NEUROD1: variants seen among roughly 807,000 people sequenced by gnomAD.
The protein encoded by NEUROD1 is neurogenic differentiation factor 1.
In NEUROD1, 9 loss-of-function variants were observed where a neutral mutation model predicts 21.8. The observed-to-expected ratio is 0.41, with a 90% CI of 0.25 to 0.72. The LOEUF is 0.72. NEUROD1 is among the 30% of genes least tolerant of loss of function. The pLI is 0.31. For synonymous variants in NEUROD1, 199 were observed against 186.2 expected, an observed-to-expected ratio of 1.07 and a Z score of -0.56; for missense variants, 434 against 468.8, an observed-to-expected ratio of 0.93 and a Z score of 0.69.
Position 181,677,547 on chromosome 2 carries a change from A to C in NEUROD1, c.*243T>G. On this transcript the variant is annotated 3_prime_UTR_variant, in exon 2 of 2. Transcript: ENST00000295108. The stretch of plus-strand genomic sequence containing the variant: ...ACCAAATTCGTGGTGTATTTTTTAA[A>C]CTTTACTGTATTTTTTTATTTTTTA... 1 of 562,404 alleles carries C rather than the reference A, an allele frequency of 1.8e-6. No individual in the cohort carries two copies. The highest frequency in any genetic ancestry group is 2.2e-5 in the South Asian group (1 of 46,144). The allele number at this position is 562,404 out of a possible 1,614,324, so 34.8% of individuals were successfully genotyped here.
chr2:181,679,526 CT>C (rs145711513), intron 1 of NEUROD1, among the ~76,000 whole-genome samples: 1,890 of 152,342 alleles, frequency 0.012, 45 homozygotes, highest in African/African-American at 0.043. Context: ...CCTCGCCTTT[CT>C]TTTCTTGCCT....
At chr2:181,679,786 C>T (rs375015101) in intron 1 of NEUROD1, among the ~76,000 whole-genome samples, 201 of 152,348 alleles carry the variant, frequency 1.3e-3, no homozygotes, top group African/African-American at 4.7e-3. Context: ...GAAGTTGCCG[C>T]TTCTAGTAAG....
At chr2:181,671,313 A>G (rs1414038573) in exon 2 of NEUROD1, among the ~76,000 whole-genome samples, 2 of 152,200 alleles carry the variant, frequency 1.3e-5, no homozygotes, top group South Asian at 2.1e-4. Flanking sequence ...TGTGATAAAT[A>G]TCACTACTTA....
downstream of NEUROD1, among the ~76,000 whole-genome samples, chr2:181,671,940 G>T (rs562385061): frequency 4.6e-5 from 7 of 152,054 alleles, no homozygotes; most frequent in Admixed American, 1.3e-4. Flanking sequence ...CATTGAGCGC[G>T]AACACTAAAA....
In NEUROD1 at chr2:181,678,667, T is replaced by A; in HGVS notation, c.194A>T (p.Asp65Val). ...TTCCTCTTCTTCCTCCTCTTCCAGG[T>A]CCTCATCTTCGTCCTCCTCCTCTCC... The part of the protein sequence containing the change: ...NGGEEEDEDE[D>V]LEEEEEEEEE... Residue 65 changes from aspartate (D) to valine (V), a missense_variant, in exon 2 of 2, where the codon GAC (aspartate) becomes GTC (valine). Physicochemically the swap from Asp to Val is radical, Grantham distance 152. Transcript: ENST00000295108. The surrounding 1 kb of genome is among the most constrained non-coding windows in gnomAD (Gnocchi z 5.5). The A allele has an allele frequency of 6.2e-7, 1 of 1,612,526 alleles. No homozygotes were observed. The highest frequency in any genetic ancestry group is 8.5e-7 in the Non-Finnish European group (1 of 1,179,202).
At chr2:181,676,051 T>C (rs1688563413), downstream of NEUROD1, among the ~76,000 whole-genome samples, 1 of 152,188 alleles carries the variant, frequency 6.6e-6, no homozygotes, top group Admixed American at 6.5e-5. Context: ...TTATACATCT[T>C]AAATGTATAG....
At position 181,677,618 on chromosome 2, in the gene NEUROD1, T is replaced by C; in HGVS notation, c.*172A>G. 1 of 1,168,142 alleles carries C rather than the reference T, an allele frequency of 8.6e-7. No homozygotes were observed. Among genetic ancestry groups the C allele is most frequent in the South Asian group, 1.4e-5 (1 of 69,068 alleles). 72.4% of individuals were successfully genotyped at this position (1,168,142 alleles called of 1,614,324 possible). A position where few individuals can be genotyped will look rare whatever the true frequency, so the allele number is the denominator to read the frequency against. On this transcript the variant is annotated 3_prime_UTR_variant, in exon 2 of 2. Coordinates refer to ENST00000295108, the MANE Select transcript of NEUROD1 (RefSeq NM_002500.5). ...TAATACATAAGGTGAACAGGAACTT[T>C]GATCCCCTGTTTCTTCCAAAGGCAG...
In NEUROD1 at chr2:181,678,479, C is replaced by A. The variant is rs758568153; in HGVS notation, c.382G>T (p.Val128Leu). The A allele has an allele frequency of 6.2e-7, 1 of 1,614,256 alleles. No individual in the cohort carries two copies. Among genetic ancestry groups the A allele is most frequent in the Admixed American group, 1.7e-5 (1 of 60,032 alleles). ...NAALDNLRKV[V>L]PCYSKTQKLS... Reference sequence around the variant, plus strand: ...TTCTGCGTCTTAGAATAGCAAGGCACCACCTTGCGCAGGTTGTCTAGCGCC... The same window carrying A: ...TTCTGCGTCTTAGAATAGCAAGGCAACACCTTGCGCAGGTTGTCTAGCGCC... The change falls in exon 2 of 2, where the codon GTG becomes TTG. Residue 128 changes from valine (V) to leucine (L), a missense_variant. By Grantham distance (32) the Val-to-Leu change is conservative. Coordinates refer to ENST00000295108, the MANE Select transcript of NEUROD1 (RefSeq NM_002500.5). The surrounding 1 kb of genome is among the most constrained non-coding windows in gnomAD (Gnocchi z 5.5).
At chr2:181,673,055 A>C (rs1186839305), downstream of NEUROD1, 1 of 152,220 alleles carries the variant, frequency 6.6e-6, no homozygotes, top group Non-Finnish European at 1.5e-5. Flanking sequence ...CCTCTAAATT[A>C]ACTGGGCAAA....
At chr2:181,680,353 A>G (rs1045561738) in intron 1 of NEUROD1, 77 bp downstream of exon 1, 1 of 152,260 alleles carries the variant, frequency 6.6e-6, no homozygotes, top group Non-Finnish European at 1.5e-5. Flanking sequence ...AAACGCACAC[A>G]TACAGAATAT....
At position 181,678,687 on chromosome 2, in the gene NEUROD1, C is replaced by T. The variant is rs1276325208; in HGVS notation, c.174G>A (p.Glu58=). ...AEEDSLRNGG[E]EEDEDEDLEE... is the part of the protein sequence containing the mutation. ...CCAGGTCCTCATCTTCGTCCTCCTC[C>T]TCTCCCCCGTTCCTCAGTGAGTCCT... Residue 58 remains glutamate (E), a synonymous_variant, in exon 2 of 2, where the codon GAG becomes GAA. Transcript: ENST00000295108. The surrounding 1 kb of genome is among the most constrained non-coding windows in gnomAD (Gnocchi z 5.5). 1.2e-6 allele frequency: 2 copies of T among 1,611,698 alleles called. No individual in the cohort carries two copies. The highest frequency in any genetic ancestry group is 8.5e-7 in the Non-Finnish European group (1 of 1,178,838).
downstream of NEUROD1, among the ~76,000 whole-genome samples, chr2:181,674,772 G>A (rs1688542742): frequency 6.7e-6 from 1 of 148,846 alleles, no homozygotes; most frequent in Non-Finnish European, 1.5e-5. Context: ...GAATCCCTAT[G>A]TTTTAGAATG....
In NEUROD1 at chr2:181,677,991, G is replaced by A. The variant is rs1295134491; in HGVS notation, c.870C>T (p.Ser290=). 1 of 1,614,206 alleles carries A rather than the reference G, an allele frequency of 6.2e-7. No homozygotes were observed. The highest frequency in any genetic ancestry group is 8.5e-7 in the Non-Finnish European group (1 of 1,180,038). The part of the protein sequence containing the change: ...NGNFSFKHEP[S]AEFEKNYAFT... ...AGGCATAATTTTTCTCAAACTCGGC[G>A]GACGGTTCGTGTTTGAAAGAGAAGT... is the stretch of plus-strand genomic sequence containing the variant. The change falls in exon 2 of 2, where the codon TCC becomes TCT. Residue 290 remains serine (S), a synonymous_variant. Coordinates refer to ENST00000295108, the MANE Select transcript of NEUROD1 (RefSeq NM_002500.5).
chr2:181,671,558 G>C (rs904419394), downstream of NEUROD1, among the ~76,000 whole-genome samples: 1 of 151,868 alleles, frequency 6.6e-6, no homozygotes. Flanking sequence ...AGCCTCCCGA[G>C]TAGCTGGGAC....
rs1189984054 is a variant in NEUROD1, at chr2:181,677,839, T to C, written c.1022A>G (p.His341Arg). ...DNIMSFDSHSHHERVMSAQLN... is the reference protein window; with the variant it reads ...DNIMSFDSHSRHERVMSAQLN... ...CTGGGCACTCATGACTCGCTCATGA[T>C]GTGAATGGCTATCGAAGGACATAAT... Residue 341 changes from histidine to arginine, a missense_variant, in exon 2 of 2, where the codon CAT (histidine) becomes CGT (arginine). Physicochemically the swap from His to Arg is conservative, Grantham distance 29 (BLOSUM62 0). Coordinates refer to ENST00000295108, the MANE Select transcript of NEUROD1 (RefSeq NM_002500.5). 4.3e-6 allele frequency: 7 copies of C among 1,614,146 alleles called. No homozygotes were observed. Among genetic ancestry groups the C allele is most frequent in the Non-Finnish European group, 5.9e-6 (7 of 1,180,018 alleles).
In NEUROD1 at chr2:181,678,120, G is replaced by T. The variant is rs201542440; in HGVS notation, c.741C>A (p.His247Gln). Residue 247 changes from histidine (H) to glutamine (Q), a missense_variant, in exon 2 of 2, where the codon CAC (histidine) becomes CAA (glutamine). Transcript: ENST00000295108. The surrounding 1 kb of genome is among the most constrained non-coding windows in gnomAD (Gnocchi z 5.5). Reference sequence around the variant, plus strand: ...AGGGCTCCAGCGCTGCGCTGTAGGCGTGCGGCGGAGGCTTAACGTGGAAGA... The same window carrying T: ...AGGGCTCCAGCGCTGCGCTGTAGGCTTGCGGCGGAGGCTTAACGTGGAAGA... ...SHVFHVKPPP[H>Q]AYSAALEPFF... 43 of 1,614,086 alleles carry T rather than the reference G, an allele frequency of 2.7e-5. No homozygotes were observed. The highest frequency in any genetic ancestry group is 3.0e-5 in the Non-Finnish European group (35 of 1,180,044).
chr2:181,672,203 A>T (rs1424918567), downstream of NEUROD1, among the ~76,000 whole-genome samples: 5 of 152,224 alleles, frequency 3.3e-5, no homozygotes. Context: ...ACAACTCATG[A>T]TCCTCAAAAA....
rs1559135469 is a variant in NEUROD1 at position 181,678,636 on chromosome 2, C to CTCCTCT, written c.219_224dup (p.Glu74_Glu75dup). Reference sequence around the variant, plus strand: ...GTCTCTTGGGCTTTTGATCGTCATCCTCCTCTTCCTCTTCTTCCTCCTCTT... The same window carrying CTCCTCT: ...GTCTCTTGGGCTTTTGATCGTCATCCTCCTCTTCCTCTTCCTCTTCTTCCTCCTCTT... On this transcript the variant is annotated inframe_insertion, in exon 2 of 2. Transcript: ENST00000295108. The surrounding 1 kb of genome is among the most constrained non-coding windows in gnomAD (Gnocchi z 5.5). 6.2e-7 allele frequency: 1 copy of CTCCTCT among 1,613,886 alleles called. No individual in the cohort carries two copies. Among genetic ancestry groups the CTCCTCT allele is most frequent in the East Asian group, 2.2e-5 (1 of 44,864 alleles).
intron 1 of NEUROD1, among the ~76,000 whole-genome samples, chr2:181,679,362 G>T (rs1454833813): frequency 2.0e-5 from 3 of 152,128 alleles, no homozygotes; most frequent in Non-Finnish European, 4.4e-5. Context: ...CAGCCATTGC[G>T]TAATTTACTA....
Sources: gnomAD v4.1 joint callset for allele counts (sites outside exome capture counted in the v4.1 genomes callset) on GRCh38, gnomAD v4.1.1 for gene constraint, Gnocchi (gnomAD v3.1) non-coding constraint, MANE v1.5 for transcripts, NCBI Gene and HGNC (gene_info 2026-07-23, HGNC 2026-07-21) for gene names.